Variants in GNB5 observed in about 807,000 individuals in gnomAD.
GNB5 encodes guanine nucleotide-binding protein subunit beta-5.
In GNB5, 37 loss-of-function variants were observed where a neutral mutation model predicts 55.3. The ratio of observed to expected loss-of-function variants is 0.67; its 90% CI spans 0.51 to 0.88. The LOEUF (loss-of-function observed/expected upper bound fraction) is 0.88. GNB5 is among the 40% of genes least tolerant of loss of function. The pLI, the probability that GNB5 is intolerant of heterozygous loss-of-function variation, is 0.00. For missense variants in GNB5, 476 were observed against 515.3 expected (o/e 0.92, Z 0.74); for synonymous variants, 219 against 198.5 (o/e 1.10, Z -0.87).
At chr15:52,160,591 G>C (rs1465575286) in intron 3 of GNB5, among the ~76,000 whole-genome samples, 1 of 151,452 alleles carries the variant, frequency 6.6e-6, no homozygotes, top group Non-Finnish European at 1.5e-5. Context: ...AATTATAGAA[G>C]TAAATGCATA....
chr15:52,123,946 C>T (rs1205394497), intron 12 of GNB5, among the ~76,000 whole-genome samples: 1 of 149,012 alleles, frequency 6.7e-6, no homozygotes, highest in African/African-American at 2.5e-5. Context: ...AAGGCATACA[C>T]CCCAAATTTG....
chr15:52,177,415 T>C (rs2034673816), intron 3 of GNB5, among the ~76,000 whole-genome samples: 2 of 151,970 alleles, frequency 1.3e-5, no homozygotes, highest in South Asian at 4.2e-4. Flanking sequence ...CCCAGTACTT[T>C]TGGAGGCTCA....
chr15:52,179,890 G>A lies in GNB5; in HGVS notation c.127-11C>T, dbSNP rs577844891. 3.9e-5 allele frequency: 59 copies of A among 1,520,300 alleles called. 1 individual carries two copies. In the South Asian group the frequency reaches 6.3e-4, roughly 16 times the overall value. 94.2% of individuals were successfully genotyped at this position (1,520,300 alleles called of 1,614,324 possible). A position where few individuals can be genotyped will look rare whatever the true frequency, so the allele number is the denominator to read the frequency against. ...CCCCTCGGTTGCCATCTTCGCGCGG[G>A]GACGCAGCGGAGAGGGAAGCGGAGA... On this transcript the variant is annotated splice_polypyrimidine_tract_variant and intron_variant, in intron 2 of 12. Coordinates refer to ENST00000261837, the MANE Select transcript of GNB5 (RefSeq NM_016194.4).
chr15:52,158,367 A>T (rs141894417), intron 3 of GNB5, among the ~76,000 whole-genome samples: 1 of 152,350 alleles, frequency 6.6e-6, no homozygotes, highest in Admixed American at 6.5e-5. Flanking sequence ...AGCATGGCGT[A>T]CAGTGAGTAC....
intron 6 of GNB5, chr15:52,147,218 G>T (rs2033995991): frequency 5.4e-6 from 2 of 370,600 alleles, no homozygotes; most frequent in East Asian, 1.2e-4. Context: ...TGCCAGGGTG[G>T]ACTTGAACTC....
intron 1 of GNB5, among the ~76,000 whole-genome samples, chr15:52,187,453 C>A (rs564931535): frequency 6.6e-6 from 1 of 151,840 alleles, no homozygotes; most frequent in Non-Finnish European, 1.5e-5. Context: ...GACAGAGGAG[C>A]AGCTATGGGA....
Position 52,119,956 on chromosome 15 carries a change from A to C in GNB5, c.*2801T>G, listed in dbSNP as rs2033226076. On this transcript the variant is annotated 3_prime_UTR_variant, in exon 13 of 13. Coordinates refer to ENST00000261837, the MANE Select transcript of GNB5 (RefSeq NM_016194.4). ...GAAGAGCGGGAAGAGGGCAGTGGCA[A>C]CGGGATGCCCACCTCTGGCTCGCCT... The C allele has an allele frequency of 6.6e-6, 1 of 152,414 alleles. No homozygotes were observed. Among genetic ancestry groups the C allele is most frequent in the Non-Finnish European group, 1.5e-5 (1 of 68,212 alleles). 9.4% of individuals were successfully genotyped at this position (152,414 alleles called of 1,614,324 possible).
chr15:52,157,250 CTT>C (rs74508387), intron 3 of GNB5, among the ~76,000 whole-genome samples: 15 of 111,068 alleles, frequency 1.4e-4, no homozygotes, highest in Admixed American at 3.0e-4. Context: ...TCTTATAGGC[CTT>C]TTTTTTTTTT....
At chr15:52,132,259 C>G (rs1418716938) in intron 9 of GNB5, among the ~76,000 whole-genome samples, 6 of 152,164 alleles carry the variant, frequency 3.9e-5, no homozygotes, top group Non-Finnish European at 4.4e-5. Context: ...TGTCTTCTAC[C>G]AGCATCCATG....
intron 3 of GNB5, among the ~76,000 whole-genome samples, chr15:52,160,097 G>T: frequency 6.6e-6 from 1 of 151,996 alleles, no homozygotes. Context: ...CCAGGCCCAT[G>T]CCACCACACC....
chr15:52,128,578 T>C (rs925257279), intron 9 of GNB5: 1 of 557,614 alleles, frequency 1.8e-6, no homozygotes, highest in South Asian at 1.5e-5. Context: ...AGAAAGTGGT[T>C]ATGAGCACAG....
chr15:52,128,452 A>C, intron 9 of GNB5: 1 of 617,556 alleles, frequency 1.6e-6, no homozygotes, highest in South Asian at 1.9e-5. Flanking sequence ...CTGGCCTTGC[A>C]GAGTGAGATA....
chr15:52,154,103 C>T lies in GNB5; in HGVS notation c.239-27G>A, dbSNP rs8035343. ...TGGAATGACAAGGCCATAGTCAGTC[C>T]CCTTGCTAAGGACCAGGTTCTGGGC... On this transcript the variant is annotated intron_variant, in intron 3 of 12. Coordinates refer to ENST00000261837, the MANE Select transcript of GNB5 (RefSeq NM_016194.4). The T allele has an allele frequency of 6.7e-3, 10,752 of 1,607,948 alleles. 649 individuals are homozygous for T. The African/African-American group carries it at 0.13, about 19-fold the overall frequency.
chr15:52,122,736 G>T lies in GNB5; in HGVS notation c.*21C>A. The T allele has an allele frequency of 6.4e-7, 1 of 1,571,728 alleles. No homozygotes were observed. Among genetic ancestry groups the T allele is most frequent in the Non-Finnish European group, 8.8e-7 (1 of 1,141,416 alleles). On this transcript the variant is annotated 3_prime_UTR_variant, in exon 13 of 13. Transcript: ENST00000261837. ...AGATTTCAAATTCTCAGGTATACATGAGTGCACTGTCAGAAGATGATTAGG... is the reference window on the plus strand; with the variant it reads ...AGATTTCAAATTCTCAGGTATACATTAGTGCACTGTCAGAAGATGATTAGG...
chr15:52,179,517 C>T (rs762387302), intron 3 of GNB5, among the ~76,000 whole-genome samples: 95 of 152,060 alleles, frequency 6.2e-4, no homozygotes, highest in Non-Finnish European at 1.2e-3. Flanking sequence ...TCCCGCGGTC[C>T]TCCGCTAGCT....
chr15:52,167,999 T>C (rs1181721767), intron 3 of GNB5, among the ~76,000 whole-genome samples: 2 of 152,210 alleles, frequency 1.3e-5, no homozygotes, highest in African/African-American at 2.4e-5. Context: ...TGAAGGAACA[T>C]ATCTCAAAAT....
chr15:52,124,354 C>T (rs139426459), intron 12 of GNB5, 119 bp downstream of exon 12: 11 of 739,104 alleles, frequency 1.5e-5, no homozygotes, highest in East Asian at 5.2e-5. Context: ...AATGAGAGCT[C>T]GGCGAGGCTG....
At chr15:52,126,563 A>C (rs1173092544) in intron 10 of GNB5, among the ~76,000 whole-genome samples, 1 of 152,180 alleles carries the variant, frequency 6.6e-6, no homozygotes, top group African/African-American at 2.4e-5. Context: ...TTCAAAAAAC[A>C]TTATGTACAT....
At position 52,116,788 on chromosome 15, in the gene GNB5, T is replaced by A. The variant is rs1025499895; in HGVS notation, c.*5969A>T. On this transcript the variant is annotated 3_prime_UTR_variant, in exon 13 of 13. Transcript: ENST00000261837. ...CACAAAAATTACTTCTGCAAAGACA[T>A]CTGCCTAGCAACTGCCTGTCCAACC... 3 of 152,164 alleles carry A rather than the reference T, an allele frequency of 2.0e-5. No homozygotes were observed. The highest frequency in any genetic ancestry group is 7.2e-5 in the African/African-American group (3 of 41,428). 9.4% of individuals were successfully genotyped at this position (152,164 alleles called of 1,614,324 possible).
Sources: allele counts gnomAD v4.1 joint callset (sites outside exome capture counted in the v4.1 genomes callset), GRCh38; gene constraint gnomAD v4.1.1; transcripts MANE v1.5; gene names NCBI Gene and HGNC (gene_info 2026-07-23, HGNC 2026-07-21).